GNAQ: variants seen among roughly 807,000 people sequenced by gnomAD.
GNAQ encodes the protein guanine nucleotide-binding protein G(q) subunit alpha.
In GNAQ, 8 loss-of-function variants were observed where a neutral mutation model predicts 43.9. The ratio of observed to expected loss-of-function variants is 0.18; its 90% CI spans 0.11 to 0.33. GNAQ has a LOEUF of 0.33. Ranked by LOEUF, GNAQ falls within the 10% of genes least tolerant of loss-of-function variation. The pLI is 1.00. For missense variants in GNAQ, 158 were observed against 450.8 expected (o/e 0.35, Z 5.88); for synonymous variants, 155 against 170.7 (o/e 0.91, Z 0.71).
chr9:77,916,264 G>T (rs1444992969), intron 2 of GNAQ, among the ~76,000 whole-genome samples: 1 of 152,174 alleles, frequency 6.6e-6, no homozygotes, highest in African/African-American at 2.4e-5. Context: ...CAGAGGGGTA[G>T]ATAAGAATAT....
intron 5 of GNAQ, among the ~76,000 whole-genome samples, chr9:77,756,213 A>T (rs1247768357): frequency 6.6e-6 from 1 of 152,150 alleles, no homozygotes; most frequent in Non-Finnish European, 1.5e-5. Flanking sequence ...GACTGTGTTA[A>T]TACTCCTTAA....
intron 1 of GNAQ, among the ~76,000 whole-genome samples, chr9:78,018,647 T>C (rs1025115963): frequency 2.0e-5 from 3 of 152,200 alleles, no homozygotes; most frequent in African/African-American, 4.8e-5. Context: ...GACTGTCTAT[T>C]AAGCACAATA....
At chr9:77,877,126 G>C (rs1215141733) in intron 2 of GNAQ, among the ~76,000 whole-genome samples, 1 of 152,114 alleles carries the variant, frequency 6.6e-6, no homozygotes, top group Non-Finnish European at 1.5e-5. Context: ...AAAGTCCTAC[G>C]AATGAATGGG....
intron 3 of GNAQ, among the ~76,000 whole-genome samples, chr9:77,799,710 C>G (rs1407155258): frequency 6.6e-6 from 1 of 152,176 alleles, no homozygotes; most frequent in Admixed American, 6.5e-5. Context: ...ATTACTGCTT[C>G]TTTGGAGGTG....
intron 5 of GNAQ, among the ~76,000 whole-genome samples, chr9:77,743,917 A>C (rs532709584): frequency 3.3e-5 from 5 of 152,248 alleles, no homozygotes; most frequent in South Asian, 2.1e-4. Flanking sequence ...CCATGTGCTC[A>C]TAACAGCTGG....
intron 5 of GNAQ, among the ~76,000 whole-genome samples, chr9:77,775,888 GCA>G (rs1375541249): frequency 4.6e-5 from 7 of 151,978 alleles, no homozygotes; most frequent in Non-Finnish European, 1.0e-4. Context: ...ATGTGCCACT[GCA>G]CTCCAACCTG....
chr9:77,888,514 G>A (rs1354040760), intron 2 of GNAQ, among the ~76,000 whole-genome samples: 1 of 152,148 alleles, frequency 6.6e-6, no homozygotes, highest in Non-Finnish European at 1.5e-5. Context: ...CTATAAGAGT[G>A]AAAATATTTA....
intron 1 of GNAQ, among the ~76,000 whole-genome samples, chr9:78,004,182 A>G (rs1587456401): frequency 1.3e-5 from 2 of 151,646 alleles, no homozygotes; most frequent in Admixed American, 1.3e-4. Context: ...ACAGCCCCCA[A>G]CTAATGACCA....
intron 5 of GNAQ, among the ~76,000 whole-genome samples, chr9:77,786,856 A>G (rs1826489680): frequency 6.6e-6 from 1 of 152,234 alleles, no homozygotes; most frequent in African/African-American, 2.4e-5. Context: ...ATGTACACCT[A>G]TGTGCAACAA....
intron 1 of GNAQ, among the ~76,000 whole-genome samples, chr9:77,982,305 C>A (rs1160045585): frequency 6.6e-6 from 1 of 152,142 alleles, no homozygotes; most frequent in Non-Finnish European, 1.5e-5. Flanking sequence ...CAGTTCAAAA[C>A]AAATTAGAGA....
chr9:77,808,276 C>CT (rs961538051), intron 3 of GNAQ, among the ~76,000 whole-genome samples: 13 of 151,698 alleles, frequency 8.6e-5, no homozygotes, highest in Admixed American at 2.6e-4. Flanking sequence ...ATCTTTTTAT[C>CT]TTTAAGAGCT....
chr9:77,939,922 C>G (rs1829290424), intron 1 of GNAQ, among the ~76,000 whole-genome samples: 2 of 152,188 alleles, frequency 1.3e-5, no homozygotes, highest in African/African-American at 4.8e-5. Flanking sequence ...TGGGTTACCT[C>G]ACAGTTATGT....
chr9:78,029,898 T>C (rs977591792), intron 1 of GNAQ, among the ~76,000 whole-genome samples: 3 of 152,222 alleles, frequency 2.0e-5, no homozygotes, highest in African/African-American at 7.2e-5. Flanking sequence ...TCAGGCCCGT[T>C]ACTGCAAAGC....
At position 77,786,441 on chromosome 9, in the gene GNAQ, A is replaced by G. The variant is rs536582191; in HGVS notation, c.735+8022T>C. 2.6e-5 allele frequency among the ~76,000 whole-genome samples: 4 copies of G among 152,254 alleles called. No individual in the cohort carries two copies. In the South Asian group the frequency reaches 8.3e-4, roughly 32 times the overall value. On this transcript the variant is annotated intron_variant, in intron 5 of 6. Transcript: ENST00000286548. The stretch of plus-strand genomic sequence containing the variant: ...GAGAACTAAGAGGTAGTGAAGAATT[A>G]CCAGGCCAAGGTTTGGGAAAGAACA...
rs62573079 is a variant in GNAQ at position 77,963,685 on chromosome 9, C to G, written c.137-41340G>C. On this transcript the variant is annotated intron_variant, in intron 1 of 6. Transcript: ENST00000286548. The stretch of plus-strand genomic sequence containing the variant: ...ACTGACTTTCTGAAGGGCCAAAGAA[C>G]ACCAACACCTGCTTATTATGAGAGT... Among the ~76,000 whole-genome samples the G allele has an allele frequency of 4.0e-3, 610 of 152,244 alleles. 3 individuals are homozygous for G. Among genetic ancestry groups the G allele is most frequent in the South Asian group, 0.016 (75 of 4,816 alleles).
At chr9:77,848,477 C>G (rs1468835830) in intron 2 of GNAQ, among the ~76,000 whole-genome samples, 1 of 152,226 alleles carries the variant, frequency 6.6e-6, no homozygotes, top group African/African-American at 2.4e-5. Context: ...TCTGAGGCAG[C>G]AATTCAAACC....
At chr9:77,878,477 T>C (rs1389277586) in intron 2 of GNAQ, among the ~76,000 whole-genome samples, 1 of 152,144 alleles carries the variant, frequency 6.6e-6, no homozygotes, top group African/African-American at 2.4e-5. Flanking sequence ...TAACACCTAA[T>C]AAATAGGATT....
At chr9:77,841,143 C>T (rs1419812877) in intron 2 of GNAQ, among the ~76,000 whole-genome samples, 1 of 94,080 alleles carries the variant, frequency 1.1e-5, no homozygotes, top group Non-Finnish European at 2.1e-5. Flanking sequence ...AGCACAGACA[C>T]ACATACAAAG....
chr9:77,830,955 G>C (rs1827288798), intron 2 of GNAQ, among the ~76,000 whole-genome samples: 2 of 152,110 alleles, frequency 1.3e-5, no homozygotes, highest in South Asian at 4.1e-4. Flanking sequence ...CATGAATAAT[G>C]CAACATCTTT....
Sources: allele counts gnomAD v4.1 joint callset (sites outside exome capture counted in the v4.1 genomes callset), GRCh38; gene constraint gnomAD v4.1.1; transcripts MANE v1.5; gene names NCBI Gene and HGNC (gene_info 2026-07-23, HGNC 2026-07-21).